MAFG: variants seen among roughly 807,000 people sequenced by gnomAD.
MAFG encodes transcription factor MafG.
A neutral mutation model predicts 12.2 loss-of-function variants in MAFG; 3 were observed. That is an observed-to-expected ratio of 0.25 (90% CI 0.11 to 0.64). The LOEUF (loss-of-function observed/expected upper bound fraction) is 0.64. MAFG is among the 30% of genes least tolerant of loss of function. The pLI, the probability that MAFG is intolerant of heterozygous loss-of-function variation, is 0.85. For synonymous variants in MAFG, 126 were observed against 109.1 expected (o/e 1.15, Z -0.96); for missense variants, 153 against 235.5 (o/e 0.65, Z 2.29).
chr17:81,922,556 C>T lies in MAFG; in HGVS notation c.*49G>A. ...CAGAGGGACAGGGCAGCCAAATTCG[C>T]CATGTGCCTAGTGGCCCCGCAAAGA... On this transcript the variant is annotated 3_prime_UTR_variant, in exon 3 of 3. Transcript: ENST00000357736. The T allele has an allele frequency of 7.3e-7, 1 of 1,362,648 alleles. No individual in the cohort carries two copies. The highest frequency in any genetic ancestry group is 9.6e-7 in the Non-Finnish European group (1 of 1,040,282). The allele number at this position is 1,362,648 out of a possible 1,614,324, so 84.4% of individuals were successfully genotyped here.
In MAFG at chr17:81,921,210, ATG is replaced by A. The variant is rs1386808226; in HGVS notation, c.*1393_*1394del. On this transcript the variant is annotated 3_prime_UTR_variant, in exon 3 of 3. Coordinates refer to ENST00000357736, the MANE Select transcript of MAFG (RefSeq NM_002359.4). ...GTGGAGGGGGGCATGACAGAACCCC[ATG>A]TCTCACCTCCTACGGACCAGGAGCT... is the stretch of plus-strand genomic sequence containing the variant. The A allele has an allele frequency of 3.3e-5, 5 of 152,188 alleles. No individual in the cohort carries two copies. Among genetic ancestry groups the A allele is most frequent in the African/African-American group, 4.8e-5 (2 of 41,414 alleles). The allele number at this position is 152,188 out of a possible 1,614,324, so 9.4% of individuals were successfully genotyped here.
chr17:81,925,911 A>T (rs970524256), intron 1 of MAFG, among the ~76,000 whole-genome samples: 2 of 150,242 alleles, frequency 1.3e-5, no homozygotes, highest in African/African-American at 4.9e-5. Flanking sequence ...ACATTGAAAC[A>T]TCTGGAATCT....
chr17:81,928,543 G>C (rs2040961060), upstream of MAFG: 1 of 152,216 alleles, frequency 6.6e-6, no homozygotes, highest in South Asian at 2.1e-4. This position sits in a 1 kb window ranked among gnomAD's most constrained non-coding sequence, Gnocchi z 8.1. Flanking sequence ...TGAGGTGTAA[G>C]GCTCAGAAGC....
At chr17:81,928,976 CG>C (rs1331349296), upstream of MAFG, among the ~76,000 whole-genome samples, 2 of 152,114 alleles carry the variant, frequency 1.3e-5, no homozygotes, top group East Asian at 3.9e-4. This position sits in a 1 kb window ranked among gnomAD's most constrained non-coding sequence, Gnocchi z 8.1. Context: ...GGCGGGCCCC[CG>C]AGTCTCCTCA....
At chr17:81,923,349 A>G (rs1270092010) in intron 1 of MAFG, 135 bp from the exon 2 acceptor site, 2 of 546,036 alleles carry the variant, frequency 3.7e-6, no homozygotes, top group East Asian at 3.5e-5. Flanking sequence ...CCAGCCCCCA[A>G]TACCTGATAG....
At chr17:81,923,260 G>GCCCCCCCCCCCC (rs1418757108) in intron 1 of MAFG, 46 bp from the exon 2 acceptor site, 1 of 428,374 alleles carries the variant, frequency 2.3e-6, no homozygotes, top group African/African-American at 5.8e-5. Context: ...CACCCTCGCC[G>GCCCCCCCCCCCC]CACCCCCCCC....
intron 1 of MAFG, among the ~76,000 whole-genome samples, chr17:81,923,702 C>A (rs900672804): frequency 1.3e-5 from 2 of 152,170 alleles, no homozygotes; most frequent in African/African-American, 4.8e-5. Context: ...GCCGCAGCCC[C>A]CAGCCTGGCC....
chr17:81,927,034 G>C, intron 1 of MAFG, among the ~76,000 whole-genome samples: 1 of 152,168 alleles, frequency 6.6e-6, no homozygotes. Context: ...GCCAGGGGCA[G>C]GGTCTTCCCC....
At chr17:81,928,828 T>A (rs2040962671), upstream of MAFG, among the ~76,000 whole-genome samples, 1 of 152,328 alleles carries the variant, frequency 6.6e-6, no homozygotes, top group Non-Finnish European at 1.5e-5. The surrounding 1 kb of genome is among the most constrained non-coding windows in gnomAD (Gnocchi z 8.1). Flanking sequence ...CTCTCCTCCC[T>A]GCTCGCGTCC....
upstream of MAFG, among the ~76,000 whole-genome samples, chr17:81,929,263 T>C (rs994771646): frequency 1.6e-4 from 25 of 152,246 alleles, no homozygotes; most frequent in African/African-American, 5.8e-4. This position sits in a 1 kb window ranked among gnomAD's most constrained non-coding sequence, Gnocchi z 5.7. Flanking sequence ...GGCACTGTCA[T>C]AGAGATGGGC....
rs2040857441 is a variant in MAFG at position 81,918,870 on chromosome 17, G to A, written c.*3735C>T. The A allele has an allele frequency of 6.6e-6, 1 of 152,264 alleles. No individual in the cohort carries two copies. Among genetic ancestry groups the A allele is most frequent in the Non-Finnish European group, 1.5e-5 (1 of 68,076 alleles). The allele number at this position is 152,264 out of a possible 1,614,324, so 9.4% of individuals were successfully genotyped here. ...AACAGGGAGGTCTCACAGTTTATCG[G>A]GGACACACTCTAGCTCAGACTCAAG... On this transcript the variant is annotated 3_prime_UTR_variant, in exon 3 of 3. Coordinates refer to ENST00000357736, the MANE Select transcript of MAFG (RefSeq NM_002359.4).
At chr17:81,923,650 GCCCGCACT>G (rs1213257441) in intron 1 of MAFG, 1 of 155,210 alleles carries the variant, frequency 6.4e-6, no homozygotes, top group Non-Finnish European at 1.4e-5. Context: ...TCCCCGCCGC[GCCCGCACT>G]CCCTGGCCCG....
chr17:81,923,245 G>C, intron 1 of MAFG, 31 bp from the exon 2 acceptor site: 1 of 1,143,422 alleles, frequency 8.7e-7, no homozygotes, highest in Non-Finnish European at 1.2e-6. Context: ...CAGTACCCTG[G>C]AGACCACCCT....
chr17:81,922,555 G>T lies in MAFG; in HGVS notation c.*50C>A. ...ACAGAGGGACAGGGCAGCCAAATTC[G>T]CCATGTGCCTAGTGGCCCCGCAAAG... On this transcript the variant is annotated 3_prime_UTR_variant, in exon 3 of 3. Coordinates refer to ENST00000357736, the MANE Select transcript of MAFG (RefSeq NM_002359.4). 2 of 1,350,868 alleles carry T rather than the reference G, an allele frequency of 1.5e-6. No homozygotes were observed. The highest frequency in any genetic ancestry group is 1.9e-6 in the Non-Finnish European group (2 of 1,030,292). The allele number at this position is 1,350,868 out of a possible 1,614,324, so 83.7% of individuals were successfully genotyped here.
At position 81,918,315 on chromosome 17, in the gene MAFG, T is replaced by G; in HGVS notation, c.*4290A>C. ...ATCATATACAAAATAAAGAAAACCTTATATATCACAAACATACACTATGTA... is the reference window on the plus strand; with the variant it reads ...ATCATATACAAAATAAAGAAAACCTGATATATCACAAACATACACTATGTA... On this transcript the variant is annotated 3_prime_UTR_variant, in exon 3 of 3. Coordinates refer to ENST00000357736, the MANE Select transcript of MAFG (RefSeq NM_002359.4). The G allele has an allele frequency of 2.0e-6, 1 of 503,246 alleles. No individual in the cohort carries two copies. The allele number at this position is 503,246 out of a possible 1,614,324, so 31.2% of individuals were successfully genotyped here.
Position 81,921,878 on chromosome 17 carries a change from C to T in MAFG, c.*727G>A, listed in dbSNP as rs1255686296. On this transcript the variant is annotated 3_prime_UTR_variant, in exon 3 of 3. Transcript: ENST00000357736. ...ATAACTTTGTAAAAGGAACTTCTCT[C>T]TTTTAAATAAAGGGCTATATAACCA... The T allele has an allele frequency of 1.3e-5, 2 of 152,050 alleles. No homozygotes were observed. The highest frequency in any genetic ancestry group is 2.9e-5 in the Non-Finnish European group (2 of 68,010). The allele number at this position is 152,050 out of a possible 1,614,324, so 9.4% of individuals were successfully genotyped here. A position where few individuals can be genotyped will look rare whatever the true frequency, so the allele number is the denominator to read the frequency against.
At chr17:81,925,633 C>G (rs1004382961) in intron 1 of MAFG, among the ~76,000 whole-genome samples, 4 of 152,060 alleles carry the variant, frequency 2.6e-5, no homozygotes, top group South Asian at 2.1e-4. Context: ...ACGGTGAAAC[C>G]CCGTCTCTAC....
Position 81,922,362 on chromosome 17 carries a change from T to G in MAFG, c.*243A>C. 3.0e-6 allele frequency: 1 copy of G among 332,638 alleles called. No individual in the cohort carries two copies. Among genetic ancestry groups the G allele is most frequent in the Non-Finnish European group, 5.4e-6 (1 of 184,238 alleles). The allele number at this position is 332,638 out of a possible 1,614,324, so 20.6% of individuals were successfully genotyped here. On this transcript the variant is annotated 3_prime_UTR_variant, in exon 3 of 3. Coordinates refer to ENST00000357736, the MANE Select transcript of MAFG (RefSeq NM_002359.4). ...CTGCATGGCCCTGGTACAAAAGGGG[T>G]TGGGGCGACCCCACGTCACCGCCGA... is the stretch of plus-strand genomic sequence containing the variant.
At position 81,918,350 on chromosome 17, in the gene MAFG, A is replaced by C; in HGVS notation, c.*4255T>G. The C allele has an allele frequency of 3.7e-5, 14 of 375,592 alleles. No homozygotes were observed. The highest frequency in any genetic ancestry group is 9.1e-5 in the East Asian group (2 of 22,038). 23.3% of individuals were successfully genotyped at this position (375,592 alleles called of 1,614,324 possible). On this transcript the variant is annotated 3_prime_UTR_variant, in exon 3 of 3. Transcript: ENST00000357736. ...AAACATACACTATGTACAGCAATAA[A>C]TACCCGGGGGGCCAGGCCCAGTGCT...
Sources: gnomAD v4.1 joint callset for allele counts (sites outside exome capture counted in the v4.1 genomes callset) on GRCh38, gnomAD v4.1.1 for gene constraint, Gnocchi (gnomAD v3.1) non-coding constraint, MANE v1.5 for transcripts, NCBI Gene and HGNC (gene_info 2026-07-23, HGNC 2026-07-21) for gene names.